The following TNR variants were observed in gnomAD, a reference collection of about 807,000 sequenced individuals.
The protein encoded by TNR is tenascin-R.
A neutral mutation model predicts 150.4 loss-of-function variants in TNR; 45 were observed. The observed-to-expected ratio is 0.30, with a 90% CI of 0.24 to 0.38. The LOEUF is 0.38. Ranked by LOEUF, TNR falls within the 10% of genes least tolerant of loss-of-function variation. The pLI, the probability that TNR is intolerant of heterozygous loss-of-function variation, is 1.00. For missense variants in TNR, 1,544 were observed against 1,759.1 expected (o/e 0.88, Z 2.19); for synonymous variants, 687 against 678.4 (o/e 1.01, Z -0.20).
chr1:175,661,440 A>G (rs537902527), intron 1 of TNR, among the ~76,000 whole-genome samples: 59 of 152,226 alleles, frequency 3.9e-4, no homozygotes, highest in Admixed American at 1.4e-3. Flanking sequence ...GCCGTGGAGG[A>G]GCACTTCTGG....
At chr1:175,657,883 A>ATGTGTGTG (rs1553251717) in intron 1 of TNR, among the ~76,000 whole-genome samples, 5 of 101,146 alleles carry the variant, frequency 4.9e-5, no homozygotes, top group South Asian at 3.6e-4. Context: ...ATATATATAT[A>ATGTGTGTG]TGTAACAAAC....
intron 2 of TNR, among the ~76,000 whole-genome samples, chr1:175,517,012 T>TGAGAGAGA (rs58416273): frequency 3.5e-3 from 426 of 120,406 alleles, no homozygotes; most frequent in African/African-American, 9.0e-3. Flanking sequence ...ATCTGAAAGC[T>TGAGAGAGA]GAGAGAGAGA....
rs1387940360 is a variant in TNR, at chr1:175,436,734, G to C, written c.-63-29957C>G. On this transcript the variant is annotated intron_variant, in intron 2 of 22. Transcript: ENST00000367674. The stretch of plus-strand genomic sequence containing the variant: ...AAAAAAGGCAGGGGTTGCAATCCTA[G>C]TCTCTGAAAAAACAGACTTCTTTAA... Among the ~76,000 whole-genome samples, 6 of 152,274 alleles carry C rather than the reference G, an allele frequency of 3.9e-5. No individual in the cohort carries two copies. In the South Asian group the frequency reaches 6.2e-4, roughly 16 times the overall value.
intron 1 of TNR, among the ~76,000 whole-genome samples, chr1:175,596,465 G>A (rs1663012061): frequency 6.6e-6 from 1 of 152,054 alleles, no homozygotes. Context: ...GCTGTACTGT[G>A]GGCTCTTCTG....
At chr1:175,343,793 C>G (rs1650640786) in intron 18 of TNR, among the ~76,000 whole-genome samples, 1 of 152,144 alleles carries the variant, frequency 6.6e-6, no homozygotes, top group Admixed American at 6.5e-5. Context: ...TTTCTGAAAA[C>G]ATTTGGGACA....
At chr1:175,671,345 C>T (rs1410608625) in intron 1 of TNR, among the ~76,000 whole-genome samples, 1 of 152,224 alleles carries the variant, frequency 6.6e-6, no homozygotes, top group Admixed American at 6.5e-5. Context: ...CACTGTGCAG[C>T]CAGGCAGACT....
intron 9 of TNR, among the ~76,000 whole-genome samples, chr1:175,368,085 G>T (rs1651923187): frequency 6.6e-6 from 1 of 152,182 alleles, no homozygotes; most frequent in African/African-American, 2.4e-5. Context: ...TTCTCTCCTT[G>T]ACCTCTTTCA....
Position 175,676,347 on chromosome 1 carries a change from C to T in TNR, c.-165+66879G>A, listed in dbSNP as rs114953511. ...CTGGAGGGCAAGAGGGCTCTTTCCC[C>T]AGCGTGCACCTCACCACCTCCATAC... On this transcript the variant is annotated intron_variant, in intron 1 of 22. Coordinates refer to ENST00000367674, the MANE Select transcript of TNR (RefSeq NM_003285.3). Among the ~76,000 whole-genome samples the T allele has an allele frequency of 2.2e-3, 337 of 152,260 alleles. 3 individuals are homozygous for T. The highest frequency in any genetic ancestry group is 7.6e-3 in the African/African-American group (316 of 41,556).
intron 1 of TNR, among the ~76,000 whole-genome samples, chr1:175,666,239 C>T (rs1665529189): frequency 6.6e-6 from 1 of 152,200 alleles, no homozygotes; most frequent in Admixed American, 6.5e-5. Flanking sequence ...TCTGCAGTGT[C>T]CTTTAAGATG....
rs1404538314 is a variant in TNR, at chr1:175,526,070, AG to A, written c.-64+2198del. 2.0e-5 allele frequency among the ~76,000 whole-genome samples: 3 copies of A among 152,134 alleles called. No individual in the cohort carries two copies. In the East Asian group the frequency reaches 5.8e-4, roughly 29 times the overall value. ...TTTTATTTTTATAAAATCTGACGGAAGGGTATTAAGTTGAAAGGCTATATCT... is the reference window on the plus strand; with the variant it reads ...TTTTATTTTTATAAAATCTGACGGAAGGTATTAAGTTGAAAGGCTATATCT... On this transcript the variant is annotated intron_variant, in intron 2 of 22. Transcript: ENST00000367674.
intron 21 of TNR, among the ~76,000 whole-genome samples, chr1:175,329,568 T>G (rs1649606858): frequency 6.6e-6 from 1 of 152,046 alleles, no homozygotes; most frequent in Non-Finnish European, 1.5e-5. Context: ...ATGGACAGGG[T>G]GGGGTGTTAG....
chr1:175,741,278 C>T (rs77816504), intron 1 of TNR, among the ~76,000 whole-genome samples: 11 of 152,292 alleles, frequency 7.2e-5, no homozygotes, highest in Non-Finnish European at 1.3e-4. Context: ...CCACTTTAAG[C>T]GTCTGTGTCT....
intron 1 of TNR, among the ~76,000 whole-genome samples, chr1:175,605,061 T>G (rs1387040274): frequency 6.6e-6 from 1 of 152,176 alleles, no homozygotes; most frequent in East Asian, 1.9e-4. Flanking sequence ...AGGCAAAAGA[T>G]GGAATGACAA....
intron 1 of TNR, among the ~76,000 whole-genome samples, chr1:175,665,807 G>A (rs1178639790): frequency 6.6e-6 from 1 of 152,134 alleles, no homozygotes; most frequent in Admixed American, 6.5e-5. Flanking sequence ...AAGTCAGGAG[G>A]CAGTTAGGTC....
At chr1:175,679,770 C>A (rs1297613092) in intron 1 of TNR, among the ~76,000 whole-genome samples, 2 of 152,246 alleles carry the variant, frequency 1.3e-5, no homozygotes, top group Non-Finnish European at 2.9e-5. Context: ...CAGAAGGCAG[C>A]GTGGAAGAGG....
intron 1 of TNR, among the ~76,000 whole-genome samples, chr1:175,554,663 G>A (rs569005911): frequency 5.3e-5 from 8 of 152,026 alleles, no homozygotes; most frequent in Non-Finnish European, 1.0e-4. Flanking sequence ...GGGGATGCTG[G>A]CCCTGCTAAG....
intron 1 of TNR, among the ~76,000 whole-genome samples, chr1:175,675,573 G>A (rs1488224206): frequency 6.6e-6 from 1 of 152,206 alleles, no homozygotes; most frequent in African/African-American, 2.4e-5. Context: ...AAGCATGTAA[G>A]GTGTACACAC....
At chr1:175,709,283 T>C (rs559961821) in intron 1 of TNR, among the ~76,000 whole-genome samples, 2 of 148,118 alleles carry the variant, frequency 1.4e-5, no homozygotes, top group Admixed American at 1.3e-4. Context: ...TTGGGCTTCC[T>C]CCCTTGCTTT....
intron 1 of TNR, among the ~76,000 whole-genome samples, chr1:175,693,970 TA>T (rs2101920618): frequency 6.6e-6 from 1 of 152,372 alleles, no homozygotes; most frequent in South Asian, 2.1e-4. Context: ...TCAGTATATG[TA>T]AAAAGTAGAA....
Sources: allele counts gnomAD v4.1 joint callset (sites outside exome capture counted in the v4.1 genomes callset), GRCh38; gene constraint gnomAD v4.1.1; transcripts MANE v1.5; gene names NCBI Gene and HGNC (gene_info 2026-07-23, HGNC 2026-07-21).